The following SCGB2B2 variants were observed in gnomAD, a reference collection of about 807,000 sequenced individuals.
The protein encoded by SCGB2B2 is secretoglobin family 2B member 2.
Under a neutral mutation model 7.6 loss-of-function variants are expected in SCGB2B2, and 11 were observed. That is an observed-to-expected ratio of 1.45 (90% confidence interval 0.91 to 2.40). The LOEUF is 2.40. Among genes scored for constraint, SCGB2B2 ranks in the 30% most tolerant of loss-of-function variants. The pLI is 0.00. For missense variants in SCGB2B2, 104 were observed against 115.4 expected, an observed-to-expected ratio of 0.90 and a Z score of 0.45; for synonymous variants, 50 against 48.6, an observed-to-expected ratio of 1.03 and a Z score of -0.12.
At chr19:34,658,067 T>C (rs1439280015) in intron 1 of SCGB2B2, among the ~76,000 whole-genome samples, 1 of 152,094 alleles carries the variant, frequency 6.6e-6, no homozygotes. Flanking sequence ...AGAGACAACA[T>C]ACCAGAATCT....
At chr19:34,663,216 T>C (rs936623851) in intron 1 of SCGB2B2, among the ~76,000 whole-genome samples, 1 of 152,252 alleles carries the variant, frequency 6.6e-6, no homozygotes, top group African/African-American at 2.4e-5. Context: ...AAAGGTTTCC[T>C]GTTTCCTAGA....
chr19:34,617,036 T>C (rs1266377146), intron 1 of SCGB2B2, among the ~76,000 whole-genome samples: 1 of 152,224 alleles, frequency 6.6e-6, no homozygotes, highest in Admixed American at 6.5e-5. Flanking sequence ...TTCTGTTCCA[T>C]TGATCTATAT....
intron 1 of SCGB2B2, among the ~76,000 whole-genome samples, chr19:34,668,497 G>C (rs1330905408): frequency 6.6e-6 from 1 of 152,192 alleles, no homozygotes; most frequent in Non-Finnish European, 1.5e-5. Context: ...ATAGCGCCCA[G>C]TCCCATCGAC....
chr19:34,669,497 CAG>C (rs2067739108), intron 1 of SCGB2B2, among the ~76,000 whole-genome samples: 1 of 152,226 alleles, frequency 6.6e-6, no homozygotes, highest in Non-Finnish European at 1.5e-5. Context: ...CGTTATGCCT[CAG>C]GGCCTCCTGG....
chr19:34,594,496 T>C lies in SCGB2B2; in HGVS notation c.61+7A>G, dbSNP rs767189198. ...CTTCCTCCCAGCCCTGCTCGCCTCT[T>C]TCTTACCCAGCTGGACGCTGCAGAT... On this transcript the variant is annotated splice_region_variant and intron_variant, in intron 2 of 3. Transcript: ENST00000601241. 6.2e-7 allele frequency: 1 copy of C among 1,613,320 alleles called. No individual in the cohort carries two copies. Among genetic ancestry groups the C allele is most frequent in the Non-Finnish European group, 8.5e-7 (1 of 1,179,942 alleles).
intron 1 of SCGB2B2, among the ~76,000 whole-genome samples, chr19:34,613,948 C>T (rs182568188): frequency 1.4e-4 from 21 of 152,312 alleles, no homozygotes; most frequent in Admixed American, 4.6e-4. Flanking sequence ...TATATTATCC[C>T]ATACTCTCCT....
chr19:34,585,716 G>C (rs1379502382), downstream of SCGB2B2, among the ~76,000 whole-genome samples: 1 of 152,180 alleles, frequency 6.6e-6, no homozygotes. Context: ...GGGAGTCAAA[G>C]CTGTCTTTTT....
chr19:34,586,588 G>C (rs559571425), downstream of SCGB2B2, among the ~76,000 whole-genome samples: 1 of 152,268 alleles, frequency 6.6e-6, no homozygotes, highest in East Asian at 1.9e-4. Context: ...TGTATGAATA[G>C]TTTATACCTT....
intron 1 of SCGB2B2, among the ~76,000 whole-genome samples, chr19:34,607,177 A>AT (rs2065804263): frequency 6.6e-6 from 1 of 152,374 alleles, no homozygotes; most frequent in African/African-American, 2.4e-5. Flanking sequence ...TTCACTAGGC[A>AT]TAATGTCCTA....
intron 1 of SCGB2B2, among the ~76,000 whole-genome samples, chr19:34,648,900 A>T (rs188934940): frequency 1.3e-3 from 201 of 151,316 alleles, no homozygotes; most frequent in African/African-American, 4.6e-3. Flanking sequence ...GATTTATTTT[A>T]TTTATTTATT....
At chr19:34,640,295 G>C (rs917056486) in intron 1 of SCGB2B2, 1 of 151,476 alleles carries the variant, frequency 6.6e-6, no homozygotes, top group African/African-American at 2.4e-5. Flanking sequence ...TTTTTAAATA[G>C]AGACAGGGTC....
intron 1 of SCGB2B2, among the ~76,000 whole-genome samples, chr19:34,666,430 T>C (rs974008506): frequency 2.0e-5 from 3 of 152,024 alleles, no homozygotes; most frequent in Non-Finnish European, 4.4e-5. Flanking sequence ...CCACATACAA[T>C]GTGACAGGCC....
chr19:34,654,171 A>G (rs1230542148), intron 1 of SCGB2B2, among the ~76,000 whole-genome samples: 1 of 151,354 alleles, frequency 6.6e-6, no homozygotes, highest in Non-Finnish European at 1.5e-5. Flanking sequence ...ATATATTTCA[A>G]TAAAGCTATT....
intron 1 of SCGB2B2, among the ~76,000 whole-genome samples, chr19:34,629,899 T>C (rs1260805789): frequency 6.6e-6 from 1 of 152,004 alleles, no homozygotes; most frequent in Admixed American, 6.6e-5. Context: ...AGCAAGGTAC[T>C]GGTACCAAAA....
chr19:34,628,087 C>A (rs1229602490), intron 1 of SCGB2B2, among the ~76,000 whole-genome samples: 1 of 151,880 alleles, frequency 6.6e-6, no homozygotes, highest in East Asian at 1.9e-4. Flanking sequence ...AACAAAGACA[C>A]AACATACCAG....
At chr19:34,650,853 C>G (rs374655435) in intron 1 of SCGB2B2, among the ~76,000 whole-genome samples, 1 of 151,270 alleles carries the variant, frequency 6.6e-6, no homozygotes, top group Non-Finnish European at 1.5e-5. Context: ...AAACATTCTC[C>G]ACAAAATACT....
chr19:34,668,234 G>C (rs1379993347), intron 1 of SCGB2B2, among the ~76,000 whole-genome samples: 1 of 152,192 alleles, frequency 6.6e-6, no homozygotes, highest in Non-Finnish European at 1.5e-5. Flanking sequence ...CGTGGCGCTT[G>C]CGAGCCAGCT....
intron 1 of SCGB2B2, among the ~76,000 whole-genome samples, chr19:34,611,659 T>A: frequency 6.6e-6 from 1 of 152,090 alleles, no homozygotes; most frequent in Non-Finnish European, 1.5e-5. Flanking sequence ...TACTATTTTT[T>A]TTTTTTTTGG....
chr19:34,649,281 A>G (rs1005718536), intron 1 of SCGB2B2, among the ~76,000 whole-genome samples: 5 of 152,172 alleles, frequency 3.3e-5, no homozygotes, highest in African/African-American at 7.2e-5. Context: ...GTTTTTATGT[A>G]TAACTTCAAA....
Sources: allele counts gnomAD v4.1 joint callset (sites outside exome capture counted in the v4.1 genomes callset), GRCh38; gene constraint gnomAD v4.1.1; transcripts MANE v1.5; gene names NCBI Gene and HGNC (gene_info 2026-07-23, HGNC 2026-07-21).